DNAJC14: variants seen among roughly 807,000 people sequenced by gnomAD.
DNAJC14 encodes DnaJ heat shock protein family (Hsp40) member C14.
In DNAJC14, 12 loss-of-function variants were observed where a neutral mutation model predicts 68.8. That is an observed-to-expected ratio of 0.17 (90% CI 0.11 to 0.28). The LOEUF (loss-of-function observed/expected upper bound fraction) is 0.28, where lower values mean the gene tolerates loss of function less well. Among genes scored for constraint, DNAJC14 ranks in the 10% least tolerant of loss-of-function variants. The pLI is 1.00. For synonymous variants in DNAJC14, 350 were observed against 321.5 expected, an observed-to-expected ratio of 1.09 and a Z score of -0.95; for missense variants, 764 against 875.6, an observed-to-expected ratio of 0.87 and a Z score of 1.61.
rs773709754 is a variant in DNAJC14 at position 55,828,276 on chromosome 12, G to A, written c.383C>T (p.Ala128Val). The change falls in exon 2 of 7, where the codon GCT becomes GTT. Residue 128 changes from alanine (A) to valine (V), a missense_variant. Transcript: ENST00000678005. ...DGNSFLSIPS[A>V]CNCQGTPGIP... is the part of the protein sequence containing the mutation. ...TCCAGGTGTTCCCTGGCAGTTGCAA[G>A]CAGATGGAATGGAAAGAAAAGAGTT... The A allele has an allele frequency of 4.0e-5, 64 of 1,606,598 alleles. No homozygotes were observed. In the East Asian group the frequency reaches 1.1e-3, roughly 28 times the overall value.
Position 55,823,419 on chromosome 12 carries a change from C to G in DNAJC14, c.1497G>C (p.Lys499Asn), listed in dbSNP as rs949694813. Residue 499 changes from lysine to asparagine, a missense_variant, in exon 3 of 7, where the codon AAG (lysine) becomes AAC (asparagine). Around this residue, in one of 4 missense-constraint regions of DNAJC14, gnomAD observed 110 missense variants for 162.7 expected, o/e 0.68. Transcript: ENST00000678005. ...CAACTTACATCTCATACTCCTTTCGCTTTTCAGCATTGCTGACAATGTCCC... is the reference window on the plus strand; with the variant it reads ...CAACTTACATCTCATACTCCTTTCGGTTTTCAGCATTGCTGACAATGTCCC... ...AAWDIVSNAE[K>N]RKEYEMKRMA... 1.2e-6 allele frequency: 2 copies of G among 1,614,194 alleles called. No homozygotes were observed. The highest frequency in any genetic ancestry group is 1.7e-6 in the Non-Finnish European group (2 of 1,180,034).
chr12:55,822,728 A>G lies in DNAJC14; in HGVS notation c.1639T>C (p.Phe547Leu). Residue 547 changes from phenylalanine (F) to leucine (L), a missense_variant, in exon 5 of 7, where the codon TTT becomes CTT. Physicochemically the swap from Phe to Leu is conservative, Grantham distance 22 (BLOSUM62 0). Coordinates refer to ENST00000678005, the MANE Select transcript of DNAJC14 (RefSeq NM_032364.6). The part of the protein sequence containing the change: ...CSRCQGKHRR[F>L]EMDREPKSAR... ...CTCTTAGGTTCCCGGTCCATTTCAA[A>G]CCTCCTGCAACCAACAAAAGGATAG... The G allele has an allele frequency of 6.2e-7, 1 of 1,613,662 alleles. No individual in the cohort carries two copies. Among genetic ancestry groups the G allele is most frequent in the Non-Finnish European group, 8.5e-7 (1 of 1,179,850 alleles).
rs1880655134 is a variant in DNAJC14 at position 55,821,161 on chromosome 12, A to G, written c.*816T>C. On this transcript the variant is annotated 3_prime_UTR_variant, in exon 7 of 7. Coordinates refer to ENST00000678005, the MANE Select transcript of DNAJC14 (RefSeq NM_032364.6). ...GTGGGCATGAATCTACTTTTTAAAAATGATTAATTTTGGCCATCCTTGCAG... is the reference window on the plus strand; with the variant it reads ...GTGGGCATGAATCTACTTTTTAAAAGTGATTAATTTTGGCCATCCTTGCAG... The G allele has an allele frequency of 6.6e-6, 1 of 152,668 alleles. No individual in the cohort carries two copies. Among genetic ancestry groups the G allele is most frequent in the Non-Finnish European group, 1.5e-5 (1 of 68,034 alleles). 9.5% of individuals were successfully genotyped at this position (152,668 alleles called of 1,614,324 possible).
chr12:55,824,233 A>G (rs2136217701), intron 2 of DNAJC14, among the ~76,000 whole-genome samples: 1 of 152,266 alleles, frequency 6.6e-6, no homozygotes, highest in East Asian at 1.9e-4. Flanking sequence ...TGGCACACAC[A>G]TGTATCAGTC....
At chr12:55,829,111 GC>G (rs1592595940) in intron 1 of DNAJC14, 38 of 989,438 alleles carry the variant, frequency 3.8e-5, no homozygotes, top group Non-Finnish European at 4.6e-5. Flanking sequence ...GCTTAGGGCT[GC>G]CCCTAAGAAA....
At chr12:55,826,267 A>G (rs2136219341) in intron 2 of DNAJC14, among the ~76,000 whole-genome samples, 2 of 142,706 alleles carry the variant, frequency 1.4e-5, no homozygotes, top group South Asian at 4.3e-4. Flanking sequence ...GGAGGGGAAA[A>G]TATCTTTTTT....
chr12:55,822,225 G>C lies in DNAJC14; in HGVS notation c.1899-38C>G, dbSNP rs769252829. Reference sequence around the variant, plus strand: ...AGAAGAAATAAGGCAAGAGATGTTAGAGTCATATGGTTACCTAAGTTAGAT... The same window carrying C: ...AGAAGAAATAAGGCAAGAGATGTTACAGTCATATGGTTACCTAAGTTAGAT... On this transcript the variant is annotated intron_variant, in intron 6 of 6. Coordinates refer to ENST00000678005, the MANE Select transcript of DNAJC14 (RefSeq NM_032364.6). 3 of 1,541,824 alleles carry C rather than the reference G, an allele frequency of 1.9e-6. No homozygotes were observed. In the South Asian group the frequency reaches 3.8e-5, roughly 19 times the overall value.
Position 55,828,700 on chromosome 12 carries a change from G to C in DNAJC14, c.-42C>G. 6.3e-7 allele frequency: 1 copy of C among 1,576,774 alleles called. No homozygotes were observed. The highest frequency in any genetic ancestry group is 2.3e-5 in the East Asian group (1 of 44,334). On this transcript the variant is annotated 5_prime_UTR_variant, in exon 2 of 7. Transcript: ENST00000678005. ...GAGGGTCTTAGGTCACAGCCATCAT[G>C]GTGTGTTCTGATGCCTGTAACAGAT...
At chr12:55,826,508 A>G (rs373358141) in intron 2 of DNAJC14, among the ~76,000 whole-genome samples, 1 of 152,006 alleles carries the variant, frequency 6.6e-6, no homozygotes, top group African/African-American at 2.4e-5. Context: ...CTTTCCTAAG[A>G]CTATGTTAAC....
upstream of DNAJC14, chr12:55,830,542 C>A (rs977146437): frequency 6.6e-6 from 1 of 152,182 alleles, no homozygotes; most frequent in East Asian, 1.9e-4. Flanking sequence ...CTCCAGGAGA[C>A]AATACTCCAA....
Position 55,829,462 on chromosome 12 carries a change from C to CG in DNAJC14, c.-57+26dup, listed in dbSNP as rs1880909458. On this transcript the variant is annotated intron_variant, in intron 1 of 6. Coordinates refer to ENST00000678005, the MANE Select transcript of DNAJC14 (RefSeq NM_032364.6). ...TCCATCTCAAAAAAACAAAAAAAAA[C>CG]GAAAAAAAAAAAAAAGACGGACGTA... 8 of 974,752 alleles carry CG rather than the reference C, an allele frequency of 8.2e-6. No individual in the cohort carries two copies. The South Asian group carries it at 3.8e-4, about 47-fold the overall frequency. The allele number at this position is 974,752 out of a possible 1,614,324, so 60.4% of individuals were successfully genotyped here.
intron 3 of DNAJC14, 59 bp downstream of exon 3, chr12:55,823,343 C>G: frequency 1.2e-6 from 2 of 1,602,464 alleles, no homozygotes; most frequent in South Asian, 1.1e-5. Flanking sequence ...GTCCAGATGC[C>G]TCTGCTATTG....
chr12:55,821,512 G>C lies in DNAJC14; in HGVS notation c.*465C>G, dbSNP rs1441949093. On this transcript the variant is annotated 3_prime_UTR_variant, in exon 7 of 7. Coordinates refer to ENST00000678005, the MANE Select transcript of DNAJC14 (RefSeq NM_032364.6). The stretch of plus-strand genomic sequence containing the variant: ...TGTCCAGCCCAGGTCCAGGCCCTAG[G>C]TTCTTTACTCTAGCTACCCCCTATT... 6.5e-6 allele frequency: 1 copy of C among 153,626 alleles called. No individual in the cohort carries two copies. Among genetic ancestry groups the C allele is most frequent in the Non-Finnish European group, 1.5e-5 (1 of 68,850 alleles). The allele number at this position is 153,626 out of a possible 1,614,324, so 9.5% of individuals were successfully genotyped here.
At chr12:55,825,871 A>G (rs1173714331) in intron 2 of DNAJC14, among the ~76,000 whole-genome samples, 1 of 151,952 alleles carries the variant, frequency 6.6e-6, no homozygotes, top group African/African-American at 2.4e-5. Context: ...AATAAAAGCA[A>G]CCATATTTTC....
At position 55,823,054 on chromosome 12, in the gene DNAJC14, T is replaced by G; in HGVS notation, c.1634+16A>C. 1 of 1,613,216 alleles carries G rather than the reference T, an allele frequency of 6.2e-7. No individual in the cohort carries two copies. The highest frequency in any genetic ancestry group is 8.5e-7 in the Non-Finnish European group (1 of 1,179,970). On this transcript the variant is annotated intron_variant, in intron 4 of 6. Coordinates refer to ENST00000678005, the MANE Select transcript of DNAJC14 (RefSeq NM_032364.6). ...CTGAGCTGTGATTGTCCCATCCCTCTCCTTCTATTTCATACCTATGCTTTC... is the reference window on the plus strand; with the variant it reads ...CTGAGCTGTGATTGTCCCATCCCTCGCCTTCTATTTCATACCTATGCTTTC...
In DNAJC14 at chr12:55,828,256, G is replaced by T; in HGVS notation, c.403C>A (p.Pro135Thr). ...IPSACNCQGT[P>T]GIPEGPYSEG... ...GAGTAAGGCCCTTCTGGAATTCCAGGTGTTCCCTGGCAGTTGCAAGCAGAT... is the reference window on the plus strand; with the variant it reads ...GAGTAAGGCCCTTCTGGAATTCCAGTTGTTCCCTGGCAGTTGCAAGCAGAT... Residue 135 changes from proline (P) to threonine (T), a missense_variant, in exon 2 of 7, where the codon CCT (proline) becomes ACT (threonine). Pro to Thr is a conservative substitution (Grantham distance 38, BLOSUM62 -1). Around this residue, in one of 4 missense-constraint regions of DNAJC14, gnomAD observed 514 missense variants for 521.7 expected, o/e 0.99. Transcript: ENST00000678005. The T allele has an allele frequency of 6.2e-7, 1 of 1,605,120 alleles. No homozygotes were observed. The highest frequency in any genetic ancestry group is 8.5e-7 in the Non-Finnish European group (1 of 1,176,146).
rs1296059685 is a variant in DNAJC14 at position 55,827,681 on chromosome 12, C to T, written c.978G>A (p.Leu326=). The T allele has an allele frequency of 6.2e-7, 1 of 1,614,016 alleles. No individual in the cohort carries two copies. The highest frequency in any genetic ancestry group is 1.7e-5 in the Admixed American group (1 of 59,984). ...GVGLFTRFLK[L]LGALLLLALA... Reference sequence around the variant, plus strand: ...GAGCCAGGAGCAGCAAAGCACCCAGCAGCTTAAGAAAACGAGTAAACAGTC... The same window carrying T: ...GAGCCAGGAGCAGCAAAGCACCCAGTAGCTTAAGAAAACGAGTAAACAGTC... Residue 326 remains leucine (L), a synonymous_variant, in exon 2 of 7, where the codon CTG becomes CTA. Transcript: ENST00000678005.
intron 2 of DNAJC14, among the ~76,000 whole-genome samples, chr12:55,825,051 G>A (rs1372070757): frequency 6.6e-6 from 1 of 150,378 alleles, no homozygotes; most frequent in Non-Finnish European, 1.5e-5. Flanking sequence ...AGCCACCTAA[G>A]CCTGGGGGAT....
Position 55,828,178 on chromosome 12 carries a change from C to T in DNAJC14, c.481G>A (p.Ala161Thr), listed in dbSNP as rs149883123. ...TCTTCCAACTCATCTTCCCCCAAAGCTGGAGAGGTACAGTGGTGGCAAAAG... is the reference window on the plus strand; with the variant it reads ...TCTTCCAACTCATCTTCCCCCAAAGTTGGAGAGGTACAGTGGTGGCAAAAG... ...SNFCHHCTSP[A>T]LGEDELEEEY... Residue 161 changes from alanine (A) to threonine (T), a missense_variant, in exon 2 of 7, where the codon GCT becomes ACT. By Grantham distance (58) the Ala-to-Thr change is moderately conservative. Coordinates refer to ENST00000678005, the MANE Select transcript of DNAJC14 (RefSeq NM_032364.6). 4.5e-4 allele frequency: 732 copies of T among 1,612,850 alleles called. No homozygotes were observed. The highest frequency in any genetic ancestry group is 5.8e-4 in the Non-Finnish European group (679 of 1,179,504).
Sources: allele counts gnomAD v4.1 joint callset (sites outside exome capture counted in the v4.1 genomes callset), GRCh38; gene constraint gnomAD v4.1.1; regional missense constraint gnomAD v4.1.1; transcripts MANE v1.5; gene names NCBI Gene and HGNC (gene_info 2026-07-23, HGNC 2026-07-21).